SEC23B: variants seen among roughly 807,000 people sequenced by gnomAD.
The protein encoded by SEC23B is protein transport protein Sec23B.
In SEC23B, 77 loss-of-function variants were observed where a neutral mutation model predicts 104.3. The observed-to-expected ratio is 0.74, with a 90% confidence interval of 0.61 to 0.89. The LOEUF (loss-of-function observed/expected upper bound fraction) is 0.89, where lower values mean the gene tolerates loss of function less well. SEC23B is among the 40% of genes least tolerant of loss of function. The pLI is 0.00. For synonymous variants in SEC23B, 338 were observed against 332.5 expected (o/e 1.02, Z -0.18); for missense variants, 885 against 949.4 (o/e 0.93, Z 0.89).
chr20:18,556,522 A>C (rs2060440076), intron 19 of SEC23B, among the ~76,000 whole-genome samples: 1 of 152,190 alleles, frequency 6.6e-6, no homozygotes, highest in African/African-American at 2.4e-5. Flanking sequence ...CTACTTAGAC[A>C]ATCATGTCAT....
chr20:18,526,623 G>A lies in SEC23B; in HGVS notation c.993+92G>A, dbSNP rs558893306. On this transcript the variant is annotated intron_variant, in intron 8 of 19. Transcript: ENST00000650089. Reference sequence around the variant, plus strand: ...GACAGCTACTTTGCCAAGGTCATGTGTCATGGTCAGCAAGACGCTGTTTCA... The same window carrying A: ...GACAGCTACTTTGCCAAGGTCATGTATCATGGTCAGCAAGACGCTGTTTCA... 1.8e-3 allele frequency: 2,386 copies of A among 1,323,890 alleles called. 4 individuals are homozygous for A. Among genetic ancestry groups the A allele is most frequent in the Non-Finnish European group, 2.4e-3 (2,236 of 916,662 alleles). 82.0% of individuals were successfully genotyped at this position (1,323,890 alleles called of 1,614,324 possible).
chr20:18,548,797 G>A (rs1221151675), intron 16 of SEC23B, 27 bp downstream of exon 16: 1 of 1,609,578 alleles, frequency 6.2e-7, no homozygotes, highest in South Asian at 1.1e-5. Context: ...ATGCTTTCCT[G>A]AGGATTGGAA....
intron 4 of SEC23B, among the ~76,000 whole-genome samples, chr20:18,517,908 A>G (rs1224059049): frequency 6.6e-6 from 1 of 152,232 alleles, no homozygotes; most frequent in South Asian, 2.1e-4. Context: ...GACCCAGGAC[A>G]TCCAATTAGA....
chr20:18,550,075 AATAT>A (rs779574289), intron 16 of SEC23B, among the ~76,000 whole-genome samples: 2 of 148,218 alleles, frequency 1.3e-5, no homozygotes, highest in African/African-American at 4.9e-5. Context: ...TATGTATATA[AATAT>A]ATATGTATAT....
chr20:18,550,559 T>G (rs921606245), intron 16 of SEC23B, among the ~76,000 whole-genome samples: 1 of 152,242 alleles, frequency 6.6e-6, no homozygotes, highest in African/African-American at 2.4e-5. Context: ...CTGTAGAGAT[T>G]GCTAAAATAC....
At chr20:18,524,894 T>C (rs2060120628) in intron 5 of SEC23B, 41 bp from the exon 6 acceptor site, 2 of 1,598,130 alleles carry the variant, frequency 1.3e-6, no homozygotes, top group African/African-American at 2.7e-5. Flanking sequence ...TCACTTTTAG[T>C]GTCATTGGAA....
intron 15 of SEC23B, among the ~76,000 whole-genome samples, chr20:18,546,694 C>T (rs1233209328): frequency 6.6e-6 from 1 of 152,128 alleles, no homozygotes; most frequent in African/African-American, 2.4e-5. Context: ...TGACCTAGCT[C>T]CATAGCAGGT....
intron 14 of SEC23B, among the ~76,000 whole-genome samples, chr20:18,545,745 G>T (rs2060325852): frequency 6.6e-6 from 1 of 152,166 alleles, no homozygotes; most frequent in Non-Finnish European, 1.5e-5. Flanking sequence ...AGAATCTTCA[G>T]CTCCTCCCTA....
At chr20:18,520,117 G>A (rs371979976) in intron 4 of SEC23B, among the ~76,000 whole-genome samples, 1 of 152,166 alleles carries the variant, frequency 6.6e-6, no homozygotes, top group East Asian at 1.9e-4. Flanking sequence ...GTTGTGGAGG[G>A]AGGTATTGAG....
intron 4 of SEC23B, among the ~76,000 whole-genome samples, chr20:18,522,159 G>A (rs1294964471): frequency 6.6e-6 from 1 of 152,208 alleles, no homozygotes; most frequent in Non-Finnish European, 1.5e-5. Flanking sequence ...ACGGAGTAGG[G>A]GGTGGGGAGC....
intron 6 of SEC23B, 54 bp downstream of exon 6, chr20:18,525,074 C>A: frequency 6.9e-7 from 1 of 1,444,916 alleles, no homozygotes; most frequent in Non-Finnish European, 9.7e-7. Flanking sequence ...GCAGATGATC[C>A]ATGGGAGTAA....
At chr20:18,547,826 G>A (rs2060346904) in intron 15 of SEC23B, among the ~76,000 whole-genome samples, 1 of 152,090 alleles carries the variant, frequency 6.6e-6, no homozygotes. Context: ...CAGATATTCT[G>A]TCTCCACTGC....
At position 18,560,677 on chromosome 20, in the gene SEC23B, T is replaced by C. The variant is rs2060484490; in HGVS notation, c.2241T>C (p.Asp747=). The part of the protein sequence containing the change: ...GQETGAPILT[D]DVSLQVFMDH... ...AAACTGGAGCACCCATCCTAACTGATGATGTTAGCCTGCAGGTGTTCATGG... is the reference window on the plus strand; with the variant it reads ...AAACTGGAGCACCCATCCTAACTGACGATGTTAGCCTGCAGGTGTTCATGG... Residue 747 remains aspartate, a synonymous_variant, in exon 20 of 20, where the codon GAT becomes GAC. Coordinates refer to ENST00000650089, the MANE Select transcript of SEC23B (RefSeq NM_006363.6). 3.7e-6 allele frequency: 6 copies of C among 1,613,920 alleles called. No homozygotes were observed. In the South Asian group the frequency reaches 6.6e-5, roughly 18 times the overall value.
chr20:18,560,950 A>G lies in SEC23B; in HGVS notation c.*210A>G. 1.8e-6 allele frequency: 1 copy of G among 560,026 alleles called. No individual in the cohort carries two copies. The highest frequency in any genetic ancestry group is 2.1e-5 in the South Asian group (1 of 48,426). 34.7% of individuals were successfully genotyped at this position (560,026 alleles called of 1,614,324 possible). ...ATTATAAGGTCATAAATGTTTTGGT[A>G]CTTGTAGATGTTTATGTGCTTTTTG... On this transcript the variant is annotated 3_prime_UTR_variant, in exon 20 of 20. Coordinates refer to ENST00000650089, the MANE Select transcript of SEC23B (RefSeq NM_006363.6).
chr20:18,523,395 T>C (rs1042181050), intron 4 of SEC23B, among the ~76,000 whole-genome samples: 23 of 85,802 alleles, frequency 2.7e-4, no homozygotes, highest in African/African-American at 6.5e-4. Context: ...TTTCTTTCCT[T>C]TCTTTTTTTT....
chr20:18,530,972 T>C (rs1009144767), intron 10 of SEC23B, among the ~76,000 whole-genome samples, 169 bp downstream of exon 10: 7 of 152,204 alleles, frequency 4.6e-5, no homozygotes, highest in African/African-American at 1.7e-4. Flanking sequence ...GAAATTATAG[T>C]GTTCTTACTT....
At chr20:18,542,095 A>C (rs1445377437) in intron 12 of SEC23B, among the ~76,000 whole-genome samples, 1 of 152,248 alleles carries the variant, frequency 6.6e-6, no homozygotes, top group Non-Finnish European at 1.5e-5. Context: ...ACTTAAGTTC[A>C]GTATTGAACG....
intron 16 of SEC23B, among the ~76,000 whole-genome samples, chr20:18,549,898 C>G (rs1340686369): frequency 6.6e-6 from 1 of 151,726 alleles, no homozygotes. Flanking sequence ...CACTTGAACC[C>G]CGGAGGCGGA....
chr20:18,530,814 CTT>C lies in SEC23B; in HGVS notation c.1233+24_1233+25del, dbSNP rs57738665. 2.6e-3 allele frequency: 3,681 copies of C among 1,414,378 alleles called. 2 individuals are homozygous for C. Among genetic ancestry groups the C allele is most frequent in the Middle Eastern group, 3.1e-3 (16 of 5,154 alleles). The allele number at this position is 1,414,378 out of a possible 1,614,324, so 87.6% of individuals were successfully genotyped here. A position where few individuals can be genotyped will look rare whatever the true frequency, so the allele number is the denominator to read the frequency against. ...ACTTTGGACGTAAAGGTACGGTAAA[CTT>C]TTTTTTTTTTTTATGTGGACTCACT... is the stretch of plus-strand genomic sequence containing the variant. On this transcript the variant is annotated intron_variant, in intron 10 of 19. Coordinates refer to ENST00000650089, the MANE Select transcript of SEC23B (RefSeq NM_006363.6).
Sources: gnomAD v4.1 joint callset for allele counts (sites outside exome capture counted in the v4.1 genomes callset) on GRCh38, gnomAD v4.1.1 for gene constraint, MANE v1.5 for transcripts, NCBI Gene and HGNC (gene_info 2026-07-23, HGNC 2026-07-21) for gene names.